FAT3: variants seen among roughly 807,000 people sequenced by gnomAD.
FAT3 encodes FAT atypical cadherin 3.
Under a neutral mutation model 310.2 loss-of-function variants are expected in FAT3, and 95 were observed. The observed-to-expected ratio is 0.31, with a 90% CI of 0.26 to 0.36. The LOEUF is 0.36. Among genes scored for constraint, FAT3 ranks in the 10% least tolerant of loss-of-function variants. The probability of loss-of-function intolerance (pLI) is 1.00; values close to 1 mark genes in which losing one functional copy is unlikely to be tolerated. For missense variants in FAT3, 5,408 were observed against 5,715.6 expected (o/e 0.95, Z 1.74); for synonymous variants, 2,314 against 2,192.9 (o/e 1.06, Z -1.54).
intron 2 of FAT3, among the ~76,000 whole-genome samples, chr11:92,501,549 C>CT (rs1699737358): frequency 6.6e-6 from 1 of 151,966 alleles, no homozygotes; most frequent in African/African-American, 2.4e-5. Context: ...CTAGTAACTA[C>CT]TTTAAGGAAT....
At chr11:92,225,669 G>A (rs891370830) in intron 1 of FAT3, among the ~76,000 whole-genome samples, 2 of 152,138 alleles carry the variant, frequency 1.3e-5, no homozygotes, top group African/African-American at 4.8e-5. Flanking sequence ...GCGAGGCGCG[G>A]CGCAGAGAGG....
At chr11:92,877,613 T>G (rs1052710284) in intron 22 of FAT3, among the ~76,000 whole-genome samples, 1 of 152,214 alleles carries the variant, frequency 6.6e-6, no homozygotes, top group Non-Finnish European at 1.5e-5. Flanking sequence ...CTAGGGAAAC[T>G]GACCATGACA....
intron 13 of FAT3, among the ~76,000 whole-genome samples, chr11:92,821,557 A>G (rs1947967813): frequency 6.6e-6 from 1 of 152,222 alleles, no homozygotes; most frequent in Non-Finnish European, 1.5e-5. Flanking sequence ...CTACAGACTG[A>G]AAAACATAAG....
rs548279030 is a variant in FAT3, at chr11:92,244,861, G to A, written c.-18+19687G>A. Among the ~76,000 whole-genome samples, 3 of 152,226 alleles carry A rather than the reference G, an allele frequency of 2.0e-5. No individual in the cohort carries two copies. The South Asian group carries it at 6.2e-4, about 32-fold the overall frequency. On this transcript the variant is annotated intron_variant, in intron 1 of 27. Coordinates refer to ENST00000525166, the MANE Select transcript of FAT3 (RefSeq NM_001367949.2). ...AAACAACAGATGTTGGAGAGGATGTGGAGAAATAGGAACGCTTTTACACTC... is the reference window on the plus strand; with the variant it reads ...AAACAACAGATGTTGGAGAGGATGTAGAGAAATAGGAACGCTTTTACACTC...
At chr11:92,515,920 G>T (rs1440887339) in intron 2 of FAT3, among the ~76,000 whole-genome samples, 1 of 151,710 alleles carries the variant, frequency 6.6e-6, no homozygotes, top group Non-Finnish European at 1.5e-5. Context: ...TAAAAAATTG[G>T]TTAGAAGACT....
intron 1 of FAT3, among the ~76,000 whole-genome samples, chr11:92,270,763 T>A (rs192458270): frequency 6.6e-6 from 1 of 152,180 alleles, no homozygotes; most frequent in Non-Finnish European, 1.5e-5. Flanking sequence ...CCCACTTAGA[T>A]ATTTGAGAAA....
At chr11:92,274,984 A>C (rs1374238801) in intron 1 of FAT3, among the ~76,000 whole-genome samples, 1 of 152,158 alleles carries the variant, frequency 6.6e-6, no homozygotes, top group African/African-American at 2.4e-5. Flanking sequence ...CCCTATTTGC[A>C]CACATACACA....
intron 1 of FAT3, among the ~76,000 whole-genome samples, chr11:92,331,453 A>G (rs75379728): frequency 2.0e-5 from 3 of 152,244 alleles, no homozygotes; most frequent in East Asian, 1.9e-4. Flanking sequence ...TAATGGTAAA[A>G]TGACACTAAA....
intron 1 of FAT3, among the ~76,000 whole-genome samples, chr11:92,333,712 A>C (rs1366890960): frequency 6.6e-6 from 1 of 151,882 alleles, no homozygotes; most frequent in East Asian, 1.9e-4. Context: ...TGCCTCATAA[A>C]TATACATCTT....
intron 2 of FAT3, among the ~76,000 whole-genome samples, chr11:92,431,860 C>T (rs1396327488): frequency 1.3e-5 from 2 of 152,062 alleles, no homozygotes; most frequent in Non-Finnish European, 2.9e-5. Context: ...TGGTCTACAT[C>T]TCTGTTTTGG....
intron 1 of FAT3, among the ~76,000 whole-genome samples, chr11:92,294,803 G>A (rs988026983): frequency 3.3e-5 from 5 of 150,604 alleles, no homozygotes; most frequent in African/African-American, 1.2e-4. Context: ...AAAATGAAAT[G>A]TAGAACCTGG....
Position 92,801,175 on chromosome 11 carries a change from C to A in FAT3, c.8162C>A (p.Thr2721Lys), listed in dbSNP as rs768975987. ...SQYSFTIAED[T>K]AIGSTVDTLR... is the part of the protein sequence containing the mutation. ...TATTCCTTTACCATTGCAGAAGATA[C>A]AGCCATTGGGAGTACAGTGGACACC... is the stretch of plus-strand genomic sequence containing the variant. The change falls in exon 10 of 28, where the codon ACA (threonine) becomes AAA (lysine). Residue 2721 changes from threonine to lysine, a missense_variant. Physicochemically the swap from Thr to Lys is moderately conservative, Grantham distance 78 (BLOSUM62 -1). Coordinates refer to ENST00000525166, the MANE Select transcript of FAT3 (RefSeq NM_001367949.2). The A allele has an allele frequency of 2.5e-6, 4 of 1,613,902 alleles. No individual in the cohort carries two copies. Among genetic ancestry groups the A allele is most frequent in the Admixed American group, 1.7e-5 (1 of 60,022 alleles).
intron 3 of FAT3, among the ~76,000 whole-genome samples, chr11:92,678,414 C>G (rs981076529): frequency 1.1e-4 from 17 of 152,106 alleles, no homozygotes; most frequent in Non-Finnish European, 2.5e-4. Context: ...CGGCCTTAGG[C>G]TCTTTACCTC....
chr11:92,384,943 A>T (rs892279513), intron 2 of FAT3, among the ~76,000 whole-genome samples: 4 of 152,176 alleles, frequency 2.6e-5, no homozygotes, highest in African/African-American at 9.7e-5. Context: ...GGTTTCTGTA[A>T]ATGTGGGTCA....
In FAT3 at chr11:92,393,274, G is replaced by A. The variant is rs551942001; in HGVS notation, c.3292+37870G>A. 4.6e-5 allele frequency among the ~76,000 whole-genome samples: 7 copies of A among 152,204 alleles called. No homozygotes were observed. In the South Asian group the frequency reaches 1.5e-3, roughly 32 times the overall value. The stretch of plus-strand genomic sequence containing the variant: ...TGTGTGTATGCACACACACTCATGT[G>A]TGTCTCTCTGGGGACTGGGGAGAGG... On this transcript the variant is annotated intron_variant, in intron 2 of 27. Coordinates refer to ENST00000525166, the MANE Select transcript of FAT3 (RefSeq NM_001367949.2).
At chr11:92,295,154 A>G (rs1198600821) in intron 1 of FAT3, among the ~76,000 whole-genome samples, 1 of 152,126 alleles carries the variant, frequency 6.6e-6, no homozygotes, top group African/African-American at 2.4e-5. Flanking sequence ...CTGAGCATTT[A>G]CTACTTGCCA....
intron 3 of FAT3, among the ~76,000 whole-genome samples, chr11:92,563,158 G>A (rs1319283230): frequency 6.6e-6 from 1 of 152,168 alleles, no homozygotes; most frequent in African/African-American, 2.4e-5. Flanking sequence ...TCCAAGTCCA[G>A]TATCATCTTT....
rs75180903 is a variant in FAT3, at chr11:92,813,940, A to T, written c.9481+3864A>T. 3.5e-3 allele frequency among the ~76,000 whole-genome samples: 540 copies of T among 152,290 alleles called. 3 individuals carry two copies. Among genetic ancestry groups the T allele is most frequent in the African/African-American group, 0.012 (516 of 41,552 alleles). On this transcript the variant is annotated intron_variant, in intron 13 of 27. Transcript: ENST00000525166. ...ATTCCTCATGTGTCCATATTAAGAG[A>T]TGCATCCTTTGGGAGGTGATTAGGT...
rs763551577 is a variant in FAT3, at chr11:92,831,683, C to G, written c.9543C>G (p.Asp3181Glu). The part of the protein sequence containing the change: ...ADSAGGVFSI[D>E]SSSGIIILEQ... ...CAGCTGGTGGGGTCTTCTCCATTGACAGCTCATCTGGCATCATCATCCTGG... is the reference window on the plus strand; with the variant it reads ...CAGCTGGTGGGGTCTTCTCCATTGAGAGCTCATCTGGCATCATCATCCTGG... The change falls in exon 14 of 28, where the codon GAC becomes GAG. Residue 3181 changes from aspartate (D) to glutamate (E), a missense_variant. By Grantham distance (45) the Asp-to-Glu change is conservative (BLOSUM62 2). This residue lies in a region of FAT3 where 4,588 missense variants were observed against 4,809.8 expected (regional missense o/e 0.95). Coordinates refer to ENST00000525166, the MANE Select transcript of FAT3 (RefSeq NM_001367949.2). 5 of 1,613,562 alleles carry G rather than the reference C, an allele frequency of 3.1e-6. No individual in the cohort carries two copies. In the South Asian group the frequency reaches 5.5e-5, roughly 18 times the overall value.
Sources: allele counts gnomAD v4.1 joint callset (sites outside exome capture counted in the v4.1 genomes callset), GRCh38; gene constraint gnomAD v4.1.1; regional missense constraint gnomAD v4.1.1; transcripts MANE v1.5; gene names NCBI Gene and HGNC (gene_info 2026-07-23, HGNC 2026-07-21).